ANKRD36B: variants seen among roughly 807,000 people sequenced by gnomAD.
ANKRD36B encodes ankyrin repeat domain-containing protein 36B.
Under a neutral mutation model 135.7 loss-of-function variants are expected in ANKRD36B, and 37 were observed. That is an observed-to-expected ratio of 0.27 (90% confidence interval 0.21 to 0.36). ANKRD36B has a LOEUF of 0.36. ANKRD36B is among the 10% of genes least tolerant of loss of function. ANKRD36B has a pLI of 1.00. For missense variants in ANKRD36B, 549 were observed against 1,037.1 expected (o/e 0.53, Z 6.46); for synonymous variants, 179 against 348.1 (o/e 0.51, Z 5.41).
Position 97,555,113 on chromosome 2 carries a change from T to C in ANKRD36B, c.1118A>G (p.Asp373Gly). 4 of 1,611,990 alleles carry C rather than the reference T, an allele frequency of 2.5e-6. No homozygotes were observed. Among genetic ancestry groups the C allele is most frequent in the Non-Finnish European group, 3.4e-6 (4 of 1,178,710 alleles). The change falls in exon 14 of 44, where the codon GAT (aspartate) becomes GGT (glycine). Residue 373 changes from aspartate (D) to glycine (G), a missense_variant. Coordinates refer to ENST00000359901, the MANE Select transcript of ANKRD36B (RefSeq NM_001393939.1). ...PASKTASDKTDSALNTATEIK... is the reference protein window; with the variant it reads ...PASKTASDKTGSALNTATEIK... The stretch of plus-strand genomic sequence containing the variant: ...TTCTGTAGCTGTATTCAAAGCAGAA[T>C]CTGTCTTGTCACTTGCAGTCTGAAA...
intron 3 of ANKRD36B, among the ~76,000 whole-genome samples, chr2:97,584,272 CA>C (rs1358496227): frequency 1.7e-5 from 2 of 118,972 alleles, no homozygotes; most frequent in Non-Finnish European, 3.2e-5. Context: ...TCACAACTCA[CA>C]AACTCTTTCC....
chr2:97,547,823 C>T (rs1325214147), intron 20 of ANKRD36B, 92 bp from the exon 21 acceptor site: 3 of 1,498,914 alleles, frequency 2.0e-6, no homozygotes, highest in Admixed American at 2.0e-5. Flanking sequence ...CCTCTGTCTT[C>T]CTGCCTGTAT....
intron 6 of ANKRD36B, among the ~76,000 whole-genome samples, chr2:97,572,606 G>A (rs1231870870): frequency 1.3e-5 from 2 of 150,000 alleles, no homozygotes; most frequent in African/African-American, 4.9e-5. Context: ...AAGAAGTTTA[G>A]CATTAAAGAT....
chr2:97,549,980 C>T (rs887114021), intron 18 of ANKRD36B, among the ~76,000 whole-genome samples: 2 of 151,928 alleles, frequency 1.3e-5, no homozygotes, highest in Non-Finnish European at 2.9e-5. Context: ...CATGATCCCA[C>T]ATGTCTTTCA....
At chr2:97,546,808 C>T (rs1186150431) in intron 22 of ANKRD36B, among the ~76,000 whole-genome samples, 1 of 151,626 alleles carries the variant, frequency 6.6e-6, no homozygotes, top group Non-Finnish European at 1.5e-5. Flanking sequence ...CAAATTTATT[C>T]ATATTCAAGA....
chr2:97,559,133 G>T (rs1462115146), intron 8 of ANKRD36B, 139 bp from the exon 9 acceptor site: 1 of 1,109,862 alleles, frequency 9.0e-7, no homozygotes, highest in Non-Finnish European at 1.2e-6. Context: ...TTTTTGTCTG[G>T]AGACTGGAAC....
At chr2:97,562,434 A>T (rs2081113581) in intron 6 of ANKRD36B, among the ~76,000 whole-genome samples, 1 of 152,002 alleles carries the variant, frequency 6.6e-6, no homozygotes, top group Non-Finnish European at 1.5e-5. Context: ...AACAAAAAAC[A>T]AAAATCTGAT....
At chr2:97,551,508 C>T (rs1217922550) in intron 16 of ANKRD36B, 28 bp from the exon 17 acceptor site, 1 of 1,607,152 alleles carries the variant, frequency 6.2e-7, no homozygotes, top group Middle Eastern at 2.3e-4. Flanking sequence ...TACATAATCA[C>T]TCATATGTAA....
At chr2:97,545,897 T>A (rs540974343) in intron 22 of ANKRD36B, 36 bp from the exon 23 acceptor site, 1 of 907,466 alleles carries the variant, frequency 1.1e-6, no homozygotes, top group African/African-American at 1.7e-5. Context: ...CACTCATACA[T>A]AAATATGATA....
intron 12 of ANKRD36B, 59 bp downstream of exon 12, chr2:97,556,878 G>C: frequency 6.5e-7 from 1 of 1,541,610 alleles, no homozygotes; most frequent in Non-Finnish European, 8.8e-7. Context: ...CTATTCAGGG[G>C]TGGGACGTTC....
chr2:97,527,831 T>C (rs2078305672), intron 35 of ANKRD36B, among the ~76,000 whole-genome samples: 1 of 96,020 alleles, frequency 1.0e-5, no homozygotes. Context: ...GGTAAAGGGA[T>C]CAATTCAAAA....
chr2:97,545,955 T>C, intron 22 of ANKRD36B, 94 bp from the exon 23 acceptor site: 4 of 938,192 alleles, frequency 4.3e-6, no homozygotes, highest in Non-Finnish European at 3.4e-6. Context: ...TCTGTCCTCC[T>C]GCCTGTAATA....
At chr2:97,587,072 G>A (rs185492157) in intron 1 of ANKRD36B, among the ~76,000 whole-genome samples, 1,670 of 152,282 alleles carry the variant, frequency 0.011, 43 homozygotes, top group African/African-American at 0.038. Context: ...CTACTCAGGA[G>A]GCTGAGGTGG....
chr2:97,493,911 G>A (rs1001281758), intron 43 of ANKRD36B, among the ~76,000 whole-genome samples: 1 of 97,606 alleles, frequency 1.0e-5, no homozygotes, highest in African/African-American at 2.8e-5. Flanking sequence ...TTCATTGCTT[G>A]TGGGAATGCA....
Position 97,589,761 on chromosome 2 carries a change from G to A in ANKRD36B, c.-76C>T, listed in dbSNP as rs1421885879. The A allele has an allele frequency of 6.2e-7, 1 of 1,609,084 alleles. No homozygotes were observed. The highest frequency in any genetic ancestry group is 8.5e-7 in the Non-Finnish European group (1 of 1,177,770). ...AATTGTAGCCTGCAGCCGTATTTCA[G>A]CTCGCCTTCGGGGATCGCCGCCTCC... On this transcript the variant is annotated 5_prime_UTR_variant, in exon 1 of 44. Transcript: ENST00000359901.
intron 26 of ANKRD36B, among the ~76,000 whole-genome samples, 181 bp from the exon 27 acceptor site, chr2:97,542,288 C>G (rs928669346): frequency 1.5e-5 from 1 of 67,510 alleles, no homozygotes; most frequent in African/African-American, 4.3e-5. Flanking sequence ...AACAGGAATA[C>G]AGGTTTCAAG....
At position 97,545,852 on chromosome 2, in the gene ANKRD36B, T is replaced by C. The variant is rs576221995; in HGVS notation, c.1589A>G (p.His530Arg). The change falls in exon 23 of 44, where the codon CAT (histidine) becomes CGT (arginine). Residue 530 changes from histidine to arginine, a missense_variant. Coordinates refer to ENST00000359901, the MANE Select transcript of ANKRD36B (RefSeq NM_001393939.1). ...DGEKTRRVSS[H>R]KQPSLKATSD... Reference sequence around the variant, plus strand: ...AATTACCTTCAAGGATGGTTGTTTATGAGAAGACACTGAAAAGCAAAAGGG... The same window carrying C: ...AATTACCTTCAAGGATGGTTGTTTACGAGAAGACACTGAAAAGCAAAAGGG... 3 of 958,940 alleles carry C rather than the reference T, an allele frequency of 3.1e-6. 1 individual carries two copies. The highest frequency in any genetic ancestry group is 4.1e-5 in the Admixed American group (2 of 48,438). The allele number at this position is 958,940 out of a possible 1,614,324, so 59.4% of individuals were successfully genotyped here. A position where few individuals can be genotyped will look rare whatever the true frequency, so the allele number is the denominator to read the frequency against.
At position 97,544,815 on chromosome 2, in the gene ANKRD36B, AT is replaced by A. The variant is rs72545183; in HGVS notation, c.1682-831del. On this transcript the variant is annotated intron_variant, in intron 24 of 43. Coordinates refer to ENST00000359901, the MANE Select transcript of ANKRD36B (RefSeq NM_001393939.1). ...TAGGAGTTAATTAGAATTCAACATA[AT>A]TTTTGTTTCTAAAAAGTCTTTTTTG... is the stretch of plus-strand genomic sequence containing the variant. Among the ~76,000 whole-genome samples, 319 of 96,894 alleles carry A rather than the reference AT, an allele frequency of 3.3e-3. 82 individuals are homozygous for A. Among genetic ancestry groups the A allele is most frequent in the East Asian group, 0.013 (54 of 4,312 alleles). 63.6% of individuals were successfully genotyped at this position (96,894 alleles called of 152,430 possible).
intron 18 of ANKRD36B, among the ~76,000 whole-genome samples, chr2:97,549,881 T>C (rs1357400155): frequency 2.0e-5 from 3 of 151,976 alleles, no homozygotes; most frequent in Non-Finnish European, 4.4e-5. Context: ...TCAATATCAA[T>C]GTGCATAGGC....
Sources: gnomAD v4.1 joint callset for allele counts (sites outside exome capture counted in the v4.1 genomes callset) on GRCh38, gnomAD v4.1.1 for gene constraint, MANE v1.5 for transcripts, NCBI Gene and HGNC (gene_info 2026-07-23, HGNC 2026-07-21) for gene names.